The following RUFY3 variants were observed in gnomAD, a reference collection of about 807,000 sequenced individuals.
The protein encoded by RUFY3 is RUN and FYVE domain containing 3.
RUFY3 carries 34 observed loss-of-function variants against 84.0 expected under a neutral mutation model. That is an observed-to-expected ratio of 0.40 (90% CI 0.31 to 0.54). The LOEUF (loss-of-function observed/expected upper bound fraction) is 0.54. Among genes scored for constraint, RUFY3 ranks in the 20% least tolerant of loss-of-function variants. The pLI is 0.39. For synonymous variants in RUFY3, 242 were observed against 252.9 expected, an observed-to-expected ratio of 0.96 and a Z score of 0.41; for missense variants, 507 against 736.8, an observed-to-expected ratio of 0.69 and a Z score of 3.61.
intron 4 of RUFY3, among the ~76,000 whole-genome samples, chr4:70,765,187 CAA>C (rs1161964926): frequency 1.8e-4 from 10 of 55,712 alleles, no homozygotes; most frequent in African/African-American, 4.8e-4. Context: ...GACTCTGTCT[CAA>C]AAAAAAAAAA....
At chr4:70,715,106 CTTAAAA>C (rs1741414284) in intron 1 of RUFY3, among the ~76,000 whole-genome samples, 1 of 152,054 alleles carries the variant, frequency 6.6e-6, no homozygotes, top group Non-Finnish European at 1.5e-5. Context: ...AGTGTATAAA[CTTAAAA>C]TTGAAGAAAT....
chr4:70,774,614 CAAAAAAAAAAAA>C (rs1172638290), intron 6 of RUFY3, among the ~76,000 whole-genome samples: 4 of 22,092 alleles, frequency 1.8e-4, no homozygotes, highest in East Asian at 4.4e-3. Context: ...GACTCTGCCT[CAAAAAAAAAAAA>C]AAAAAAAAAA....
chr4:70,756,471 T>A (rs1299035235), intron 1 of RUFY3, among the ~76,000 whole-genome samples: 1 of 152,156 alleles, frequency 6.6e-6, no homozygotes, highest in African/African-American at 2.4e-5. Flanking sequence ...CTCTTTCTCT[T>A]GTCTCATCTC....
chr4:70,777,183 A>C (rs1275756445), intron 7 of RUFY3, among the ~76,000 whole-genome samples: 2 of 152,224 alleles, frequency 1.3e-5, no homozygotes, highest in Non-Finnish European at 2.9e-5. Flanking sequence ...TTATTGTACT[A>C]TTCTTACCTA....
At chr4:70,708,586 G>A (rs1740612129) in intron 1 of RUFY3, among the ~76,000 whole-genome samples, 3 of 152,150 alleles carry the variant, frequency 2.0e-5, no homozygotes, top group Non-Finnish European at 4.4e-5. Context: ...TCTCAGTAAT[G>A]TATTTGCTAA....
chr4:70,733,596 C>T (rs1719819977), intron 1 of RUFY3, among the ~76,000 whole-genome samples: 1 of 152,050 alleles, frequency 6.6e-6, no homozygotes, highest in African/African-American at 2.4e-5. Flanking sequence ...CTTAAATAGC[C>T]TAAGAGGAAA....
intron 14 of RUFY3, among the ~76,000 whole-genome samples, chr4:70,795,192 T>C (rs1731350357): frequency 6.6e-6 from 1 of 152,178 alleles, no homozygotes; most frequent in Non-Finnish European, 1.5e-5. Flanking sequence ...AACAAAAATA[T>C]ATGTTTCTTG....
rs1732605358 is a variant in RUFY3 at position 70,804,343 on chromosome 4, T to C, written c.1651-5T>C. The C allele has an allele frequency of 6.2e-7, 1 of 1,613,824 alleles. No individual in the cohort carries two copies. Among genetic ancestry groups the C allele is most frequent in the Non-Finnish European group, 8.5e-7 (1 of 1,179,830 alleles). Reference sequence around the variant, plus strand: ...AAAAACTAACCAGCTCCCTGTGTGGTTTAGGATCAGCTGCTGCTCTCTGAA... The same window carrying C: ...AAAAACTAACCAGCTCCCTGTGTGGCTTAGGATCAGCTGCTGCTCTCTGAA... On this transcript the variant is annotated splice_polypyrimidine_tract_variant and splice_region_variant and intron_variant, in intron 16 of 17. Transcript: ENST00000381006.
At chr4:70,705,394 C>T (rs1740172592) in intron 1 of RUFY3, 1 of 882,466 alleles carries the variant, frequency 1.1e-6, no homozygotes, top group Non-Finnish European at 1.5e-6. Context: ...CGCGGGGTGA[C>T]CCGAGCCGGG....
In RUFY3 at chr4:70,808,572, G is replaced by T. The variant is rs1295087034; in HGVS notation, c.*1913G>T. 6.6e-6 allele frequency among the ~76,000 whole-genome samples: 1 copy of T among 152,166 alleles called. No homozygotes were observed. Among genetic ancestry groups the T allele is most frequent in the Non-Finnish European group, 1.5e-5 (1 of 68,040 alleles). On this transcript the variant is annotated 3_prime_UTR_variant, in exon 18 of 18. Coordinates refer to ENST00000381006, the MANE Select transcript of RUFY3 (RefSeq NM_001037442.4). The stretch of plus-strand genomic sequence containing the variant: ...AGTCAGCCTGTTACTTGGTGAAGCT[G>T]AAGTTTAAGAGTTCTGGGGAAAAAT...
At position 70,794,416 on chromosome 4, in the gene RUFY3, A is replaced by G. The variant is rs574775084; in HGVS notation, c.1458-379A>G. 9.2e-5 allele frequency among the ~76,000 whole-genome samples: 14 copies of G among 152,268 alleles called. No homozygotes were observed. In the South Asian group the frequency reaches 2.9e-3, roughly 32 times the overall value. ...GCCAAGATGGTGAAACCCCATCTCT[A>G]CTAAAAATACAAAAATTTGCCAGAC... On this transcript the variant is annotated intron_variant, in intron 13 of 17. Coordinates refer to ENST00000381006, the MANE Select transcript of RUFY3 (RefSeq NM_001037442.4).
intron 5 of RUFY3, among the ~76,000 whole-genome samples, chr4:70,769,684 A>C (rs1578152054): frequency 6.6e-6 from 1 of 152,222 alleles, no homozygotes; most frequent in Admixed American, 6.5e-5. Context: ...CCACAGTAGA[A>C]TTTCTTTCAA....
At chr4:70,705,061 G>T in exon 1 of RUFY3, 1 of 1,285,042 alleles carries the variant, frequency 7.8e-7, no homozygotes, top group Non-Finnish European at 9.8e-7. Flanking sequence ...GACCGAGAGG[G>T]CGAGGCGGGG....
At chr4:70,788,649 A>C (rs965229882) in intron 10 of RUFY3, among the ~76,000 whole-genome samples, 157 bp from the exon 11 acceptor site, 2 of 152,162 alleles carry the variant, frequency 1.3e-5, no homozygotes, top group Non-Finnish European at 2.9e-5. Context: ...TTATTAATTA[A>C]TTATTGTTAA....
chr4:70,765,632 T>C (rs1047409384), intron 4 of RUFY3, among the ~76,000 whole-genome samples: 1 of 152,200 alleles, frequency 6.6e-6, no homozygotes, highest in Non-Finnish European at 1.5e-5. Flanking sequence ...TTCATTCCAG[T>C]TCTACTCAGT....
upstream of RUFY3, among the ~76,000 whole-genome samples, chr4:70,720,327 G>A (rs1043343772): frequency 6.6e-6 from 1 of 152,158 alleles, no homozygotes; most frequent in Non-Finnish European, 1.5e-5. Flanking sequence ...GGGATTACAG[G>A]CACATGCCAC....
At chr4:70,759,347 T>C (rs1724601510) in intron 1 of RUFY3, among the ~76,000 whole-genome samples, 1 of 143,812 alleles carries the variant, frequency 7.0e-6, no homozygotes. Flanking sequence ...ATTCTTTTTA[T>C]GGCTGAATTT....
intron 1 of RUFY3, among the ~76,000 whole-genome samples, chr4:70,743,534 G>A (rs184732332): frequency 6.6e-6 from 1 of 152,142 alleles, no homozygotes; most frequent in East Asian, 1.9e-4. Context: ...TTAATACAAA[G>A]TATTAATAAT....
intron 7 of RUFY3, among the ~76,000 whole-genome samples, chr4:70,777,808 T>C (rs771102132): frequency 2.6e-5 from 4 of 152,220 alleles, no homozygotes; most frequent in Non-Finnish European, 5.9e-5. Flanking sequence ...TAGACTGTTA[T>C]TATCATATGT....
Sources: gnomAD v4.1 joint callset for allele counts (sites outside exome capture counted in the v4.1 genomes callset) on GRCh38, gnomAD v4.1.1 for gene constraint, MANE v1.5 for transcripts, NCBI Gene and HGNC (gene_info 2026-07-23, HGNC 2026-07-21) for gene names.